The following DAB1 variants were observed in gnomAD, a reference collection of about 807,000 sequenced individuals.
DAB1 encodes the protein DAB adaptor protein 1.
A neutral mutation model predicts 64.6 loss-of-function variants in DAB1; 15 were observed. That is an observed-to-expected ratio of 0.23 (90% confidence interval 0.16 to 0.36). DAB1 has a LOEUF of 0.36. Ranked by LOEUF, DAB1 falls within the 10% of genes least tolerant of loss-of-function variation. DAB1 has a pLI of 1.00. For missense variants in DAB1, 596 were observed against 706.7 expected, an observed-to-expected ratio of 0.84 and a Z score of 1.78; for synonymous variants, 235 against 251.9, an observed-to-expected ratio of 0.93 and a Z score of 0.64.
intron 8 of DAB1, 47 bp downstream of exon 8, chr1:57,069,313 A>G: frequency 7.0e-7 from 1 of 1,422,680 alleles, no homozygotes; most frequent in Non-Finnish European, 9.9e-7. Flanking sequence ...ACATTTATGC[A>G]TGTACTAGTA....
chr1:58,329,799 G>A (rs916275925), intron 4 of DAB1, among the ~76,000 whole-genome samples: 1 of 151,948 alleles, frequency 6.6e-6, no homozygotes, highest in Non-Finnish European at 1.5e-5. Flanking sequence ...CGTGAATAGC[G>A]CCCATTTTTT....
At chr1:57,844,395 G>A (rs1276687828) in intron 1 of DAB1, among the ~76,000 whole-genome samples, 1 of 152,152 alleles carries the variant, frequency 6.6e-6, no homozygotes, top group Admixed American at 6.5e-5. Context: ...TCCTTTAAGA[G>A]ACTCAGACAT....
intron 7 of DAB1, among the ~76,000 whole-genome samples, chr1:57,495,782 C>T (rs1377058081): frequency 1.3e-5 from 2 of 152,208 alleles, no homozygotes; most frequent in African/African-American, 4.8e-5. Flanking sequence ...CTCTAAGCAA[C>T]ATTTCTTGTG....
At chr1:57,395,086 G>A (rs547167269) in intron 1 of DAB1, among the ~76,000 whole-genome samples, 19 of 152,254 alleles carry the variant, frequency 1.2e-4, no homozygotes, top group South Asian at 6.2e-4. Flanking sequence ...GTGCACTGGC[G>A]AGATCTCGGC....
chr1:57,772,502 G>T (rs1219780037), intron 6 of DAB1, among the ~76,000 whole-genome samples: 1 of 152,120 alleles, frequency 6.6e-6, no homozygotes, highest in Non-Finnish European at 1.5e-5. Context: ...GCAGCTCTAT[G>T]TAAAGATATA....
chr1:57,904,266 G>A (rs1179380442), intron 5 of DAB1, among the ~76,000 whole-genome samples: 2 of 152,116 alleles, frequency 1.3e-5, no homozygotes, highest in African/African-American at 4.8e-5. Flanking sequence ...TGCATGCATT[G>A]GCAAATGATG....
intron 5 of DAB1, chr1:58,048,669 C>A (rs889744624): frequency 2.3e-6 from 3 of 1,292,516 alleles, no homozygotes; most frequent in Admixed American, 3.4e-5. Context: ...CCACTGAAAC[C>A]ACCTCCACGA....
intron 1 of DAB1, among the ~76,000 whole-genome samples, chr1:57,858,307 T>G (rs770833358): frequency 2.6e-5 from 4 of 152,216 alleles, no homozygotes; most frequent in Non-Finnish European, 2.9e-5. Context: ...CCTAACTTTC[T>G]TGGTAGGTTA....
At chr1:58,304,821 T>C (rs79836361) in intron 4 of DAB1, among the ~76,000 whole-genome samples, 3,149 of 152,244 alleles carry the variant, frequency 0.021, 111 homozygotes, top group African/African-American at 0.071. Flanking sequence ...CTGAGAGAAC[T>C]GCCTATCACA....
chr1:58,050,190 A>G (rs560187517), intron 5 of DAB1, among the ~76,000 whole-genome samples: 4 of 152,374 alleles, frequency 2.6e-5, no homozygotes, highest in African/African-American at 9.6e-5. Flanking sequence ...CAGAACAGAA[A>G]GAAAAAGCAA....
chr1:57,212,663 C>A (rs761264533), intron 2 of DAB1, among the ~76,000 whole-genome samples: 1 of 151,864 alleles, frequency 6.6e-6, no homozygotes, highest in Non-Finnish European at 1.5e-5. Context: ...CACCGCGCCC[C>A]GCCTTATTTC....
intron 4 of DAB1, among the ~76,000 whole-genome samples, chr1:58,312,573 G>C (rs546122305): frequency 1.3e-5 from 2 of 152,142 alleles, no homozygotes; most frequent in Admixed American, 6.6e-5. Context: ...GTAAGAACTC[G>C]GTCAGAAATG....
At chr1:57,610,828 G>T (rs1231272237) in intron 7 of DAB1, among the ~76,000 whole-genome samples, 1 of 152,100 alleles carries the variant, frequency 6.6e-6, no homozygotes, top group Non-Finnish European at 1.5e-5. Flanking sequence ...CTCAACATCT[G>T]GGGATTACAA....
intron 6 of DAB1, among the ~76,000 whole-genome samples, chr1:57,763,195 A>G (rs1649161064): frequency 6.6e-6 from 1 of 152,148 alleles, no homozygotes; most frequent in Non-Finnish European, 1.5e-5. Context: ...CTCCCACCCA[A>G]AATTTAAAAT....
At chr1:57,893,385 T>C (rs977234899) in intron 5 of DAB1, among the ~76,000 whole-genome samples, 4 of 152,032 alleles carry the variant, frequency 2.6e-5, no homozygotes, top group Non-Finnish European at 5.9e-5. Flanking sequence ...TAAGCCAAAA[T>C]CAAATGGTGT....
intron 7 of DAB1, among the ~76,000 whole-genome samples, chr1:57,433,552 G>A (rs1685587739): frequency 6.6e-6 from 1 of 152,068 alleles, no homozygotes; most frequent in South Asian, 2.1e-4. Flanking sequence ...AATGGTAAAA[G>A]TTCTGGAAGA....
chr1:57,430,929 C>T (rs1170431078), intron 7 of DAB1, among the ~76,000 whole-genome samples: 1 of 150,378 alleles, frequency 6.6e-6, no homozygotes, highest in East Asian at 2.0e-4. Flanking sequence ...AAAACTTGTC[C>T]TGAAACAACT....
Position 57,726,988 on chromosome 1 carries a change from G to A in DAB1, n.552-77323C>T, listed in dbSNP as rs79085244. On this transcript the variant is annotated intron_variant and non_coding_transcript_variant, in intron 6 of 20. Transcript: ENST00000485760. ...GAGTGCTCTGTAGGTTTTAAAAAAC[G>A]AAGTGACCAGTTGAGTGTGAATTTA... is the stretch of plus-strand genomic sequence containing the variant. Among the ~76,000 whole-genome samples the A allele has an allele frequency of 5.6e-3, 857 of 152,288 alleles. 11 individuals are homozygous for A. The highest frequency in any genetic ancestry group is 0.02 in the African/African-American group (823 of 41,560).
intron 4 of DAB1, among the ~76,000 whole-genome samples, chr1:57,110,128 A>G (rs1655524469): frequency 6.6e-6 from 1 of 152,182 alleles, no homozygotes; most frequent in Non-Finnish European, 1.5e-5. Flanking sequence ...CATTTATCAC[A>G]TGCTTATAGA....
Sources: allele counts gnomAD v4.1 joint callset (sites outside exome capture counted in the v4.1 genomes callset), GRCh38; gene constraint gnomAD v4.1.1; transcripts MANE v1.5; gene names NCBI Gene and HGNC (gene_info 2026-07-23, HGNC 2026-07-21).